Variants in CLN5 observed in about 807,000 individuals in gnomAD.
The protein encoded by CLN5 is bis(monoacylglycero)phosphate synthase CLN5.
A neutral mutation model predicts 36.7 loss-of-function variants in CLN5; 34 were observed. The ratio of observed to expected loss-of-function variants is 0.93; its 90% CI spans 0.71 to 1.23. The LOEUF (loss-of-function observed/expected upper bound fraction) is 1.23. CLN5 is among the 50% of genes most tolerant of loss of function. CLN5 has a pLI of 0.00. For synonymous variants in CLN5, 151 were observed against 155.1 expected (o/e 0.97, Z 0.20); for missense variants, 427 against 439.4 (o/e 0.97, Z 0.25).
At chr13:76,999,388 C>G (rs1261013521) in intron 3 of CLN5, 3 of 152,158 alleles carry the variant, frequency 2.0e-5, no homozygotes, top group Non-Finnish European at 2.9e-5. Context: ...TGGAAAGATT[C>G]TTCTGGTCTA....
intron 3 of CLN5, chr13:76,999,092 G>A (rs924885851): frequency 2.6e-5 from 4 of 152,186 alleles, no homozygotes. Flanking sequence ...GTCTCATAAG[G>A]ATAGTGGTGG....
rs1313839403 is a variant in CLN5, at chr13:77,002,273, C to T, written c.*1304C>T. On this transcript the variant is annotated 3_prime_UTR_variant, in exon 4 of 4. Coordinates refer to ENST00000377453, the MANE Select transcript of CLN5 (RefSeq NM_006493.4). Reference sequence around the variant, plus strand: ...GTGGACCTTAGAAAGGCTAAGTGATCTTTCTCTGGCTATCCAGCTAGTAGT... The same window carrying T: ...GTGGACCTTAGAAAGGCTAAGTGATTTTTCTCTGGCTATCCAGCTAGTAGT... The T allele has an allele frequency of 6.6e-6, 1 of 152,184 alleles. No individual in the cohort carries two copies. The highest frequency in any genetic ancestry group is 1.5e-5 in the Non-Finnish European group (1 of 68,030). The allele number at this position is 152,184 out of a possible 1,614,324, so 9.4% of individuals were successfully genotyped here. A position where few individuals can be genotyped will look rare whatever the true frequency, so the allele number is the denominator to read the frequency against.
chr13:77,001,086 A>G lies in CLN5; in HGVS notation c.*117A>G. 1.1e-6 allele frequency: 1 copy of G among 870,526 alleles called. No individual in the cohort carries two copies. Among genetic ancestry groups the G allele is most frequent in the Non-Finnish European group, 1.8e-6 (1 of 559,724 alleles). 53.9% of individuals were successfully genotyped at this position (870,526 alleles called of 1,614,324 possible). ...TCCTTGGTGCATAAAGTTAAAATGCACATCAGCAGAATTGCTGCATATTAA... is the reference window on the plus strand; with the variant it reads ...TCCTTGGTGCATAAAGTTAAAATGCGCATCAGCAGAATTGCTGCATATTAA... On this transcript the variant is annotated 3_prime_UTR_variant, in exon 4 of 4. Coordinates refer to ENST00000377453, the MANE Select transcript of CLN5 (RefSeq NM_006493.4).
At position 76,998,485 on chromosome 13, in the gene CLN5, A is replaced by G. The variant is rs578204771; in HGVS notation, c.566-1973A>G. ...ATAAATTGCTGTTCCCCAGAACAGT[A>G]GAAACATCTGAAATGAAAGCACTGT... On this transcript the variant is annotated intron_variant, in intron 3 of 3. Transcript: ENST00000377453. The G allele has an allele frequency of 5.3e-5, 8 of 152,364 alleles. No individual in the cohort carries two copies. The South Asian group carries it at 1.7e-3, about 32-fold the overall frequency. 9.4% of individuals were successfully genotyped at this position (152,364 alleles called of 1,614,324 possible).
At chr13:76,997,968 AG>A (rs1381578587) in intron 3 of CLN5, 1 of 152,256 alleles carries the variant, frequency 6.6e-6, no homozygotes, top group African/African-American at 2.4e-5. Context: ...CACTGTTCTG[AG>A]TACTGTACAT....
intron 1 of CLN5, 86 bp downstream of exon 1, chr13:76,992,357 C>G: frequency 1.4e-6 from 2 of 1,383,946 alleles, no homozygotes; most frequent in Admixed American, 4.9e-5. Flanking sequence ...CCCCTGCTCA[C>G]CGTGGTTTGT....
At position 76,994,903 on chromosome 13, in the gene CLN5, T is replaced by C. The variant is rs1019449020; in HGVS notation, c.174-160T>C. 7.5e-5 allele frequency: 47 copies of C among 626,840 alleles called. No homozygotes were observed. In the East Asian group the frequency reaches 1.3e-3, roughly 17 times the overall value. The allele number at this position is 626,840 out of a possible 1,614,324, so 38.8% of individuals were successfully genotyped here. ...TTATCATTTGCTATTAAAAACATTA[T>C]TGGAAGTTTGTTCACAAGATAACAA... On this transcript the variant is annotated intron_variant, in intron 1 of 3. Transcript: ENST00000377453.
Position 77,001,790 on chromosome 13 carries a change from A to T in CLN5, c.*821A>T, listed in dbSNP as rs1391216536. 1 of 152,240 alleles carries T rather than the reference A, an allele frequency of 6.6e-6. No individual in the cohort carries two copies. The highest frequency in any genetic ancestry group is 1.5e-5 in the Non-Finnish European group (1 of 68,052). The allele number at this position is 152,240 out of a possible 1,614,324, so 9.4% of individuals were successfully genotyped here. On this transcript the variant is annotated 3_prime_UTR_variant, in exon 4 of 4. Transcript: ENST00000377453. ...GTCACCTAGATTTTAAGCTGATAGC[A>T]TAGTGCTTCAGCGGTTCTTCTAACC...
At chr13:76,994,284 C>A (rs558051889) in intron 1 of CLN5, 2 of 152,202 alleles carry the variant, frequency 1.3e-5, no homozygotes, top group Non-Finnish European at 2.9e-5. Context: ...CCGTACCTAC[C>A]GGAGACCAAA....
At chr13:76,995,414 G>A (rs2034248810) in intron 2 of CLN5, 186 bp downstream of exon 2, 2 of 638,976 alleles carry the variant, frequency 3.1e-6, no homozygotes, top group East Asian at 2.8e-5. Context: ...AACAACAAAT[G>A]TAATCACCAT....
rs1422814565 is a variant in CLN5, at chr13:77,004,073, T to G, written c.*3104T>G. 1 of 152,110 alleles carries G rather than the reference T, an allele frequency of 6.6e-6. No homozygotes were observed. The highest frequency in any genetic ancestry group is 2.4e-5 in the African/African-American group (1 of 41,388). 9.4% of individuals were successfully genotyped at this position (152,110 alleles called of 1,614,324 possible). The stretch of plus-strand genomic sequence containing the variant: ...AGTATACCCACAAAGTGTCATCTAA[T>G]ATATTGTTGCATGTAGAGGAAAACA... On this transcript the variant is annotated 3_prime_UTR_variant, in exon 4 of 4. Transcript: ENST00000377453.
rs1566223049 is a variant in CLN5 at position 77,002,538 on chromosome 13, A to G, written c.*1569A>G. ...TTGTATTTTATGTGTCTTTGGTCTTATTTTGTCTAGGAATTCATTTTTGCT... is the reference window on the plus strand; with the variant it reads ...TTGTATTTTATGTGTCTTTGGTCTTGTTTTGTCTAGGAATTCATTTTTGCT... On this transcript the variant is annotated 3_prime_UTR_variant, in exon 4 of 4. Coordinates refer to ENST00000377453, the MANE Select transcript of CLN5 (RefSeq NM_006493.4). 1 of 149,488 alleles carries G rather than the reference A, an allele frequency of 6.7e-6. No homozygotes were observed. Among genetic ancestry groups the G allele is most frequent in the East Asian group, 1.9e-4 (1 of 5,146 alleles). 9.3% of individuals were successfully genotyped at this position (149,488 alleles called of 1,614,324 possible).
intron 3 of CLN5, chr13:76,997,698 T>C (rs2034292286): frequency 6.6e-6 from 1 of 152,264 alleles, no homozygotes; most frequent in African/African-American, 2.4e-5. Flanking sequence ...AAACTATTAC[T>C]CATGCAGAAC....
intron 3 of CLN5, 30 bp from the exon 4 acceptor site, chr13:77,000,428 A>G: frequency 6.3e-7 from 1 of 1,586,590 alleles, no homozygotes; most frequent in South Asian, 1.1e-5. Context: ...TTTGTTCACT[A>G]GGTGACTTTG....
At chr13:76,992,293 C>G (rs1395910754) in intron 1 of CLN5, 22 bp downstream of exon 1, 1 of 1,448,742 alleles carries the variant, frequency 6.9e-7, no homozygotes, top group Non-Finnish European at 9.2e-7. Context: ...GGCGCGCGCA[C>G]TGTCGGGGTT....
intron 1 of CLN5, chr13:76,993,234 G>A (rs1424988260): frequency 6.6e-6 from 1 of 152,140 alleles, no homozygotes; most frequent in Admixed American, 6.5e-5. Flanking sequence ...GTGCCCACAT[G>A]CCCTGAGTCA....
intron 2 of CLN5, 69 bp from the exon 3 acceptor site, chr13:76,995,833 C>A: frequency 8.8e-7 from 1 of 1,135,014 alleles, no homozygotes; most frequent in Non-Finnish European, 1.3e-6. Flanking sequence ...GCCACATTTT[C>A]TCCTATCAGG....
chr13:76,992,086 T>C lies in CLN5; in HGVS notation c.-13T>C, dbSNP rs2034184700. The C allele has an allele frequency of 3.1e-6, 5 of 1,611,866 alleles. No individual in the cohort carries two copies. Among genetic ancestry groups the C allele is most frequent in the Non-Finnish European group, 4.2e-6 (5 of 1,179,440 alleles). On this transcript the variant is annotated 5_prime_UTR_variant, in exon 1 of 4. Transcript: ENST00000377453. ...AGGCCTCGAGAGGCTCCGGAAGTAC[T>C]GGGTGCAGCCTGATGGCGCAGGAGG...
At position 77,000,917 on chromosome 13, in the gene CLN5, CAT is replaced by C. The variant is rs386833969; in HGVS notation, c.1028_1029del (p.Tyr343Ter). The C allele has an allele frequency of 3.8e-5, 60 of 1,596,238 alleles. No homozygotes were observed. Among genetic ancestry groups the C allele is most frequent in the Middle Eastern group, 1.7e-4 (1 of 6,010 alleles). On this transcript the variant is annotated frameshift_variant, in exon 4 of 4. Transcript: ENST00000377453. LOFTEE classifies it high-confidence loss of function. ...ATGAAATTCCCTTTTATTAAAATAA[CAT>C]ATGAAGAAATCCCTTTACCTATCAG...
Sources: allele counts gnomAD v4.1 joint callset, GRCh38; gene constraint gnomAD v4.1.1; transcripts MANE v1.5; gene names NCBI Gene and HGNC (gene_info 2026-07-23, HGNC 2026-07-21).